Variants in SAMD5 observed in about 807,000 individuals in gnomAD.
SAMD5 encodes sterile alpha motif domain containing 5.
Under a neutral mutation model 11.3 loss-of-function variants are expected in SAMD5, and 13 were observed. That is an observed-to-expected ratio of 1.15 (90% CI 0.75 to 1.83). SAMD5 has a LOEUF of 1.83. Among genes scored for constraint, SAMD5 ranks in the 40% most tolerant of loss-of-function variants. SAMD5 has a pLI of 0.00. For synonymous variants in SAMD5, 129 were observed against 111.3 expected (o/e 1.16, Z -1.00); for missense variants, 255 against 239.1 (o/e 1.07, Z -0.44).
intron 1 of SAMD5, among the ~76,000 whole-genome samples, chr6:147,644,201 GT>G (rs1790360786): frequency 6.6e-6 from 1 of 152,004 alleles, no homozygotes; most frequent in African/African-American, 2.4e-5. Context: ...TTAGAAAACT[GT>G]TTTTAAAAAA....
At chr6:147,789,595 G>GTAA in the SAMD5 span, among the ~76,000 whole-genome samples, 1 of 152,062 alleles carries the variant, frequency 6.6e-6, no homozygotes, top group Admixed American at 6.6e-5. Context: ...CACATTTATT[G>GTAA]TAATTAATGA....
At chr6:147,615,866 A>G (rs1407232483) in intron 1 of SAMD5, among the ~76,000 whole-genome samples, 5 of 152,174 alleles carry the variant, frequency 3.3e-5, no homozygotes, top group African/African-American at 1.2e-4. Flanking sequence ...AAAGACATAA[A>G]TTCCTTTACT....
At chr6:147,859,500 CTT>C in the SAMD5 span, among the ~76,000 whole-genome samples, 2 of 152,158 alleles carry the variant, frequency 1.3e-5, no homozygotes, top group Non-Finnish European at 2.9e-5. Context: ...GATGATGAGA[CTT>C]TGTTGGCTTT....
intron 1 of SAMD5, among the ~76,000 whole-genome samples, chr6:147,519,607 T>C (rs1397148223): frequency 1.3e-5 from 2 of 152,180 alleles, no homozygotes; most frequent in African/African-American, 4.8e-5. Flanking sequence ...ATCATGGTGT[T>C]ATTGTTTATT....
chr6:147,530,481 C>T (rs1447342619), intron 1 of SAMD5, among the ~76,000 whole-genome samples: 2 of 152,244 alleles, frequency 1.3e-5, no homozygotes, highest in Non-Finnish European at 2.9e-5. Context: ...AGGGAAGCAG[C>T]CGGCATTGCC....
intron 1 of SAMD5, among the ~76,000 whole-genome samples, chr6:147,627,159 T>A (rs1418141302): frequency 1.3e-5 from 2 of 152,200 alleles, no homozygotes; most frequent in African/African-American, 2.4e-5. Flanking sequence ...AATATTTATA[T>A]GGACAGATTT....
At chr6:147,815,376 C>T in the SAMD5 span, among the ~76,000 whole-genome samples, 1 of 152,180 alleles carries the variant, frequency 6.6e-6, no homozygotes, top group African/African-American at 2.4e-5. Flanking sequence ...CCTTTAAAGA[C>T]TCTGTTGTCG....
intron 1 of SAMD5, among the ~76,000 whole-genome samples, chr6:147,682,578 A>G (rs1243526013): frequency 1.6e-4 from 25 of 152,170 alleles, no homozygotes; most frequent in Non-Finnish European, 3.5e-4. Flanking sequence ...TTCTAGATTT[A>G]TACCTGAGGA....
At chr6:147,603,276 T>C (rs1441510482) in intron 1 of SAMD5, among the ~76,000 whole-genome samples, 5 of 152,188 alleles carry the variant, frequency 3.3e-5, no homozygotes, top group Admixed American at 2.6e-4. Flanking sequence ...CCCACAGATA[T>C]ATTACCCAGT....
chr6:147,547,520 C>T (rs6940577), intron 1 of SAMD5, among the ~76,000 whole-genome samples: 90,730 of 152,136 alleles, frequency 0.6, 28,230 homozygotes, highest in East Asian at 0.91. Flanking sequence ...TTTCATGTGG[C>T]GCCTTCCATC....
chr6:147,890,622 G>A, the SAMD5 span, among the ~76,000 whole-genome samples: 1 of 152,110 alleles, frequency 6.6e-6, no homozygotes, highest in Non-Finnish European at 1.5e-5. Context: ...GCCTCTCAAA[G>A]TGCTGGGATT....
rs1790414061 is a variant in SAMD5 at position 147,646,988 on chromosome 6, A to G, written c.163-90329A>G. 5.4e-5 allele frequency among the ~76,000 whole-genome samples: 8 copies of G among 146,958 alleles called. No individual in the cohort carries two copies. In the South Asian group the frequency reaches 1.7e-3, roughly 31 times the overall value. On this transcript the variant is annotated intron_variant, in intron 1 of 1. Transcript: ENST00000566741. ...CCTCATCTCTAATAATAATAATAAT[A>G]ATAATAATAATAATAATAATAATAA...
chr6:147,797,741 T>C, the SAMD5 span, among the ~76,000 whole-genome samples: 3 of 141,192 alleles, frequency 2.1e-5, no homozygotes, highest in Non-Finnish European at 3.0e-5. Flanking sequence ...TGCCACAATT[T>C]CAGCTCCTGT....
the SAMD5 span, among the ~76,000 whole-genome samples, chr6:147,843,197 G>A: frequency 1.9e-4 from 29 of 152,042 alleles, no homozygotes; most frequent in African/African-American, 6.5e-4. Context: ...TATGATAACT[G>A]TATTTAAATG....
chr6:147,602,727 G>A (rs530875729), intron 1 of SAMD5, among the ~76,000 whole-genome samples: 1 of 152,182 alleles, frequency 6.6e-6, no homozygotes, highest in Admixed American at 6.5e-5. Flanking sequence ...CTGGGAGACA[G>A]TGTGAGACTC....
At chr6:147,931,245 G>A in the SAMD5 span, among the ~76,000 whole-genome samples, 2 of 152,078 alleles carry the variant, frequency 1.3e-5, no homozygotes, top group Non-Finnish European at 2.9e-5. Context: ...AAATGTGTGG[G>A]GGTGAAAATG....
the SAMD5 span, among the ~76,000 whole-genome samples, chr6:147,878,223 T>C: frequency 2.0e-5 from 3 of 152,076 alleles, no homozygotes; most frequent in African/African-American, 7.2e-5. Context: ...GCAGGTTCAG[T>C]ACCTGGTGAG....
the SAMD5 span, among the ~76,000 whole-genome samples, chr6:147,927,444 T>C: frequency 2.0e-5 from 3 of 152,212 alleles, no homozygotes; most frequent in Non-Finnish European, 4.4e-5. Flanking sequence ...GAGATTGTGT[T>C]CCTGATTTGG....
At chr6:147,530,227 A>G (rs1788407563) in intron 1 of SAMD5, among the ~76,000 whole-genome samples, 1 of 152,228 alleles carries the variant, frequency 6.6e-6, no homozygotes, top group Admixed American at 6.5e-5. Flanking sequence ...TAGATTTTGA[A>G]CTATCATTGG....
Sources: gnomAD v4.1 joint callset for allele counts (sites outside exome capture counted in the v4.1 genomes callset) on GRCh38, gnomAD v4.1.1 for gene constraint, MANE v1.5 for transcripts, NCBI Gene and HGNC (gene_info 2026-07-23, HGNC 2026-07-21) for gene names.